MRTFA: variants seen among roughly 807,000 people sequenced by gnomAD.
MRTFA encodes the protein myocardin related transcription factor A.
A neutral mutation model predicts 83.5 loss-of-function variants in MRTFA; 20 were observed. That is an observed-to-expected ratio of 0.24 (90% CI 0.17 to 0.35). The LOEUF (loss-of-function observed/expected upper bound fraction) is 0.35. MRTFA is among the 10% of genes least tolerant of loss of function. MRTFA has a pLI of 1.00. For synonymous variants in MRTFA, 659 were observed against 541.2 expected, an observed-to-expected ratio of 1.22 and a Z score of -3.02; for missense variants, 1,200 against 1,224.7, an observed-to-expected ratio of 0.98 and a Z score of 0.30.
chr22:40,423,665 C>T lies in MRTFA; in HGVS notation c.798G>A (p.Met266Ile), dbSNP rs2052891490. Residue 266 changes from methionine to isoleucine, a missense_variant, in exon 9 of 15, where the codon ATG becomes ATA. By Grantham distance (10) the Met-to-Ile change is conservative. Transcript: ENST00000355630. ...AAAGCATTTCTCTGGAATCCCGGCC[C>T]ATCGGAAGTTGAGACACAACCTGAG... is the stretch of plus-strand genomic sequence containing the variant. 4 of 1,572,682 alleles carry T rather than the reference C, an allele frequency of 2.5e-6. No individual in the cohort carries two copies. The highest frequency in any genetic ancestry group is 3.5e-6 in the Non-Finnish European group (4 of 1,158,430).
At chr22:40,571,289 C>A (rs2055789348) in intron 2 of MRTFA, among the ~76,000 whole-genome samples, 1 of 152,120 alleles carries the variant, frequency 6.6e-6, no homozygotes, top group African/African-American at 2.4e-5. Context: ...GATCAACGAT[C>A]TAAATGTAAG....
intron 4 of MRTFA, among the ~76,000 whole-genome samples, chr22:40,453,094 T>C (rs1202329658): frequency 1.3e-5 from 2 of 152,190 alleles, no homozygotes; most frequent in Non-Finnish European, 2.9e-5. Context: ...TCTCCTGTGA[T>C]AAAAGAGAAG....
At chr22:40,483,105 C>A (rs956523195) in intron 3 of MRTFA, among the ~76,000 whole-genome samples, 5 of 152,072 alleles carry the variant, frequency 3.3e-5, no homozygotes, top group Non-Finnish European at 7.3e-5. Flanking sequence ...CTTGCCGAGG[C>A]TGGAATGCAG....
At chr22:40,636,148 A>C (rs1267180436) in intron 1 of MRTFA, among the ~76,000 whole-genome samples, 1 of 152,182 alleles carries the variant, frequency 6.6e-6, no homozygotes, top group Non-Finnish European at 1.5e-5. Flanking sequence ...CGTCCCTGCA[A>C]TCAAAACACA....
At chr22:40,573,877 T>C (rs1385203595) in intron 2 of MRTFA, among the ~76,000 whole-genome samples, 1 of 152,142 alleles carries the variant, frequency 6.6e-6, no homozygotes, top group Non-Finnish European at 1.5e-5. Context: ...TTGAGACCTA[T>C]TTAAAAATAA....
At chr22:40,582,994 T>C (rs142692621) in intron 2 of MRTFA, among the ~76,000 whole-genome samples, 3 of 152,264 alleles carry the variant, frequency 2.0e-5, no homozygotes, top group East Asian at 1.9e-4. Context: ...CTAATAGATT[T>C]AGAGCACATC....
At chr22:40,471,513 G>A (rs551120419) in intron 3 of MRTFA, among the ~76,000 whole-genome samples, 1 of 152,316 alleles carries the variant, frequency 6.6e-6, no homozygotes, top group Non-Finnish European at 1.5e-5. Context: ...CAAGTAAGGA[G>A]ACTGAAATAG....
chr22:40,588,872 C>A (rs923653549), intron 2 of MRTFA, among the ~76,000 whole-genome samples: 1 of 152,076 alleles, frequency 6.6e-6, no homozygotes, highest in Non-Finnish European at 1.5e-5. Flanking sequence ...ATCCTAGCTA[C>A]CGAGGAGGCT....
chr22:40,614,129 G>GC (rs1321964298), intron 1 of MRTFA, among the ~76,000 whole-genome samples: 2 of 151,856 alleles, frequency 1.3e-5, no homozygotes, highest in South Asian at 2.1e-4. Context: ...TAGAATCTAG[G>GC]CGGCAGAGGT....
chr22:40,631,112 C>T (rs2056637023), intron 1 of MRTFA, among the ~76,000 whole-genome samples: 1 of 152,120 alleles, frequency 6.6e-6, no homozygotes, highest in Non-Finnish European at 1.5e-5. Context: ...GTGGAATTCA[C>T]CTAAATAAAG....
chr22:40,479,985 A>C (rs1484259233), intron 3 of MRTFA, among the ~76,000 whole-genome samples: 1 of 152,158 alleles, frequency 6.6e-6, no homozygotes, highest in Non-Finnish European at 1.5e-5. Flanking sequence ...AATCTAACTT[A>C]AGTTATTAAA....
chr22:40,577,207 G>C (rs1187148652), intron 2 of MRTFA, among the ~76,000 whole-genome samples: 1 of 140,110 alleles, frequency 7.1e-6, no homozygotes, highest in Non-Finnish European at 1.5e-5. Flanking sequence ...ATGCACTCCT[G>C]CCTGAGTAAC....
At chr22:40,586,534 T>C (rs2056030830) in intron 2 of MRTFA, among the ~76,000 whole-genome samples, 1 of 152,192 alleles carries the variant, frequency 6.6e-6, no homozygotes, top group Non-Finnish European at 1.5e-5. Context: ...TGAGAAAATA[T>C]GGCCTAATTC....
rs1490673672 is a variant in MRTFA, at chr22:40,418,823, G to A, written c.1915C>T (p.Arg639Cys). The A allele has an allele frequency of 1.9e-6, 3 of 1,610,702 alleles. No individual in the cohort carries two copies. Among genetic ancestry groups the A allele is most frequent in the East Asian group, 2.2e-5 (1 of 44,848 alleles). ...AGCTGCTGCTTCTGCCGGAGCATGC[G>A]CGTCAGCGCCTCGATCTGCTTGTCT... The change falls in exon 12 of 15, where the codon CGC (arginine) becomes TGC (cysteine). Residue 639 changes from arginine (R) to cysteine (C), a missense_variant. By Grantham distance (180) the Arg-to-Cys change is radical (BLOSUM62 -3). This residue lies in a region of MRTFA where 1,107 missense variants were observed against 1,041.8 expected (regional missense o/e 1.06). Transcript: ENST00000355630.
chr22:40,579,456 C>G (rs2147357243), intron 2 of MRTFA, among the ~76,000 whole-genome samples: 1 of 152,262 alleles, frequency 6.6e-6, no homozygotes, highest in African/African-American at 2.4e-5. Flanking sequence ...TAAGTGCCTG[C>G]CAGTATCATA....
Position 40,418,923 on chromosome 22 carries a change from G to T in MRTFA, c.1815C>A (p.Ala605=). 6.2e-7 allele frequency: 1 copy of T among 1,612,730 alleles called. No individual in the cohort carries two copies. The highest frequency in any genetic ancestry group is 2.2e-5 in the East Asian group (1 of 44,852). The change falls in exon 12 of 15, where the codon GCC becomes GCA. Residue 605 remains alanine (A), a synonymous_variant. Coordinates refer to ENST00000355630, the MANE Select transcript of MRTFA (RefSeq NM_020831.6). ...CCCCAGGGCTCAGGCAACAGGACCC[G>T]GCCCGGGGGCCCTCCTCCTTCACGA... is the stretch of plus-strand genomic sequence containing the variant.
At chr22:40,480,841 C>T (rs1362610325) in intron 3 of MRTFA, among the ~76,000 whole-genome samples, 2 of 151,064 alleles carry the variant, frequency 1.3e-5, no homozygotes, top group Non-Finnish European at 2.9e-5. Context: ...CTCCGCCTCC[C>T]GGGTTCAAGC....
At chr22:40,418,305 G>A (rs1194242061) in intron 12 of MRTFA, 69 bp downstream of exon 12, 1 of 1,555,722 alleles carries the variant, frequency 6.4e-7, no homozygotes, top group Non-Finnish European at 8.6e-7. Context: ...CCTGGCCCAA[G>A]AGGGCTGTAG....
chr22:40,421,422 G>A (rs1158201168), intron 9 of MRTFA, among the ~76,000 whole-genome samples: 1 of 152,160 alleles, frequency 6.6e-6, no homozygotes, highest in Non-Finnish European at 1.5e-5. Flanking sequence ...ATGGAGCTCG[G>A]GCTGCGCCAG....
Sources: allele counts gnomAD v4.1 joint callset (sites outside exome capture counted in the v4.1 genomes callset), GRCh38; gene constraint gnomAD v4.1.1; regional missense constraint gnomAD v4.1.1; transcripts MANE v1.5; gene names NCBI Gene and HGNC (gene_info 2026-07-23, HGNC 2026-07-21).